Variants in CELSR1 observed in about 807,000 individuals in gnomAD.
CELSR1 encodes cadherin EGF LAG seven-pass G-type receptor 1.
CELSR1 carries 110 observed loss-of-function variants against 249.1 expected under a neutral mutation model. The observed-to-expected ratio is 0.44, with a 90% CI of 0.38 to 0.52. The LOEUF (loss-of-function observed/expected upper bound fraction) is 0.52, where lower values mean the gene tolerates loss of function less well. Ranked by LOEUF, CELSR1 falls within the 20% of genes least tolerant of loss-of-function variation. The pLI is 0.00. For missense variants in CELSR1, 4,109 were observed against 4,296.4 expected, an observed-to-expected ratio of 0.96 and a Z score of 1.22; for synonymous variants, 2,113 against 1,900.0, an observed-to-expected ratio of 1.11 and a Z score of -2.92.
chr22:46,419,551 TG>T (rs1407978291), intron 5 of CELSR1, among the ~76,000 whole-genome samples: 1 of 152,130 alleles, frequency 6.6e-6, no homozygotes, highest in Non-Finnish European at 1.5e-5. Flanking sequence ...GTGCCTGGGA[TG>T]GGGCCTCTGA....
rs141998964 is a variant in CELSR1 at position 46,509,342 on chromosome 22, A to T, written c.3544+24285T>A. Among the ~76,000 whole-genome samples the T allele has an allele frequency of 4.0e-4, 61 of 152,268 alleles. 1 individual carries two copies. Among genetic ancestry groups the T allele is most frequent in the African/African-American group, 1.3e-3 (53 of 41,568 alleles). On this transcript the variant is annotated intron_variant, in intron 1 of 34. Coordinates refer to ENST00000674500, the MANE Select transcript of CELSR1 (RefSeq NM_001378328.1). ...GAGGAGATGGGGTGCAGAGGGGGTG[A>T]TGGGTACCCCAAACCACTGAGCAGG...
rs538819283 is a variant in CELSR1, at chr22:46,527,322, C to T, written c.3544+6305G>A. ...CAGCTTCCCTCCCCTCCACTCTCAC[C>T]GCCCAGCAGCTGGGACATGGGACCC... On this transcript the variant is annotated intron_variant, in intron 1 of 34. Transcript: ENST00000674500. The surrounding 1 kb of genome is among the most constrained non-coding windows in gnomAD (Gnocchi z 5.5). Among the ~76,000 whole-genome samples, 4 of 152,296 alleles carry T rather than the reference C, an allele frequency of 2.6e-5. No individual in the cohort carries two copies. Among genetic ancestry groups the T allele is most frequent in the South Asian group, 4.1e-4 (2 of 4,828 alleles).
At position 46,526,923 on chromosome 22, in the gene CELSR1, T is replaced by A. The variant is rs574423390; in HGVS notation, c.3544+6704A>T. Among the ~76,000 whole-genome samples the A allele has an allele frequency of 2.6e-5, 4 of 152,322 alleles. No individual in the cohort carries two copies. In the South Asian group the frequency reaches 8.3e-4, roughly 32 times the overall value. On this transcript the variant is annotated intron_variant, in intron 1 of 34. Coordinates refer to ENST00000674500, the MANE Select transcript of CELSR1 (RefSeq NM_001378328.1). The surrounding 1 kb of genome is among the most constrained non-coding windows in gnomAD (Gnocchi z 4.7). The stretch of plus-strand genomic sequence containing the variant: ...CCTCACGTCTTCTCACCAAAGCCGA[T>A]TCCCGGTAAGGACTCTGGCTCAGGG...
chr22:46,534,346 T>C lies in CELSR1; in HGVS notation c.2825A>G (p.Tyr942Cys). 2 of 1,613,002 alleles carry C rather than the reference T, an allele frequency of 1.2e-6. No individual in the cohort carries two copies. Among genetic ancestry groups the C allele is most frequent in the Non-Finnish European group, 1.7e-6 (2 of 1,180,034 alleles). The change falls in exon 1 of 35, where the codon TAC (tyrosine) becomes TGC (cysteine). Residue 942 changes from tyrosine to cysteine, a missense_variant. Around this residue, in one of 7 missense-constraint regions of CELSR1, gnomAD observed 886 missense variants for 896.5 expected, o/e 0.99. Transcript: ENST00000674500. The surrounding 1 kb of genome is among the most constrained non-coding windows in gnomAD (Gnocchi z 9.7). ...QGGDDGDGDF[Y>C]IEPTSGVIRT... ...AATCACACCGGACGTGGGCTCGATG[T>C]AGAAGTCCCCATCGCCGTCGTCCCC...
At position 46,536,928 on chromosome 22, in the gene CELSR1, GC is replaced by G; in HGVS notation, c.242del (p.Gly81AlafsTer21). 1 of 1,168,982 alleles carries G rather than the reference GC, an allele frequency of 8.6e-7. No individual in the cohort carries two copies. Among genetic ancestry groups the G allele is most frequent in the Non-Finnish European group, 1.1e-6 (1 of 948,646 alleles). 72.4% of individuals were successfully genotyped at this position (1,168,982 alleles called of 1,614,324 possible). On this transcript the variant is annotated frameshift_variant, in exon 1 of 35. Transcript: ENST00000674500. LOFTEE classifies it high-confidence loss of function. ...CTTGCAGCGGCAGCGGGCGCCCCGC[GC>G]CCGAGACGCGCCGACGTCCTGCCAG... is the stretch of plus-strand genomic sequence containing the variant. ...GRLAGRRRVS[G>X]AGRPLPLQVR... is the part of the protein sequence containing the mutation.
Position 46,433,410 on chromosome 22 carries a change from C to A in CELSR1, c.4594G>T (p.Val1532Leu). The A allele has an allele frequency of 3.7e-6, 6 of 1,613,798 alleles. No individual in the cohort carries two copies. The highest frequency in any genetic ancestry group is 5.1e-6 in the Non-Finnish European group (6 of 1,179,848). Residue 1532 changes from valine (V) to leucine (L), a missense_variant, in exon 5 of 35, where the codon GTG (valine) becomes TTG (leucine). This residue lies in a region of CELSR1 where 453 missense variants were observed against 492.0 expected (regional missense o/e 0.92). Coordinates refer to ENST00000674500, the MANE Select transcript of CELSR1 (RefSeq NM_001378328.1). This position sits in a 1 kb window ranked among gnomAD's most constrained non-coding sequence, Gnocchi z 5.7. ...VSDGRWHSVQ[V>L]QYYNKPNIGH... ...CATCTTACCTTGTTGTAGTACTGCA[C>A]CTGCACAGAGTGCCACCGCCCGTCA...
At position 46,398,766 on chromosome 22, in the gene CELSR1, T is replaced by C; in HGVS notation, c.5413-129A>G. 1.5e-6 allele frequency: 1 copy of C among 668,048 alleles called. No homozygotes were observed. Among genetic ancestry groups the C allele is most frequent in the East Asian group, 3.1e-5 (1 of 32,684 alleles). 41.4% of individuals were successfully genotyped at this position (668,048 alleles called of 1,614,324 possible). A position where few individuals can be genotyped will look rare whatever the true frequency, so the allele number is the denominator to read the frequency against. On this transcript the variant is annotated intron_variant, in intron 10 of 34. Transcript: ENST00000674500. The surrounding 1 kb of genome is among the most constrained non-coding windows in gnomAD (Gnocchi z 7.2). Reference sequence around the variant, plus strand: ...AAACTCCGCAGAGCCTGAGGACATCTGGGCCTCCAAAGAGAGAGCTGGGCC... The same window carrying C: ...AAACTCCGCAGAGCCTGAGGACATCCGGGCCTCCAAAGAGAGAGCTGGGCC...
intron 1 of CELSR1, among the ~76,000 whole-genome samples, chr22:46,523,936 G>A (rs1159452134): frequency 2.0e-5 from 3 of 152,154 alleles, no homozygotes; most frequent in South Asian, 2.1e-4. Flanking sequence ...CCTGCAGCAC[G>A]GCTGCCACTG....
chr22:46,502,919 C>T (rs2080480414), intron 1 of CELSR1, among the ~76,000 whole-genome samples: 1 of 152,208 alleles, frequency 6.6e-6, no homozygotes, highest in South Asian at 2.1e-4. Flanking sequence ...CGGGAGACAG[C>T]AAGCTGCACA....
At position 46,430,662 on chromosome 22, in the gene CELSR1, G is replaced by A. The variant is rs1347285860; in HGVS notation, c.4611+2731C>T. Among the ~76,000 whole-genome samples, 2 of 152,194 alleles carry A rather than the reference G, an allele frequency of 1.3e-5. No homozygotes were observed. Among genetic ancestry groups the A allele is most frequent in the Non-Finnish European group, 2.9e-5 (2 of 68,036 alleles). ...TGGCTGCTGGAGGACAGGACCAGAG[G>A]TGACATTGGAGACAAAGTGGAGGCC... On this transcript the variant is annotated intron_variant, in intron 5 of 34. Coordinates refer to ENST00000674500, the MANE Select transcript of CELSR1 (RefSeq NM_001378328.1). This position sits in a 1 kb window ranked among gnomAD's most constrained non-coding sequence, Gnocchi z 4.6.
chr22:46,461,585 G>A (rs116406980), intron 2 of CELSR1, among the ~76,000 whole-genome samples: 2,847 of 152,330 alleles, frequency 0.019, 35 homozygotes, highest in Non-Finnish European at 0.03. Flanking sequence ...AAAGCCAGAG[G>A]TGGTGGGTGC....
At chr22:46,511,418 G>A (rs899507887) in intron 1 of CELSR1, among the ~76,000 whole-genome samples, 17 of 152,188 alleles carry the variant, frequency 1.1e-4, no homozygotes, top group Admixed American at 2.6e-4. Flanking sequence ...GGACCAACAC[G>A]TGTGTCAAAG....
intron 1 of CELSR1, among the ~76,000 whole-genome samples, chr22:46,521,229 C>T (rs1015350233): frequency 5.3e-5 from 8 of 152,062 alleles, no homozygotes; most frequent in East Asian, 1.9e-4. Context: ...TTCAGCCGGG[C>T]GCGGTGGCTC....
chr22:46,494,328 T>C (rs2080394214), intron 1 of CELSR1, among the ~76,000 whole-genome samples: 1 of 152,192 alleles, frequency 6.6e-6, no homozygotes, highest in Non-Finnish European at 1.5e-5. Context: ...TATTTACAGA[T>C]AAATTTTAGA....
chr22:46,535,817 C>T lies in CELSR1; in HGVS notation c.1354G>A (p.Glu452Lys), dbSNP rs763639221. The T allele has an allele frequency of 1.9e-6, 3 of 1,612,166 alleles. No homozygotes were observed. Among genetic ancestry groups the T allele is most frequent in the Non-Finnish European group, 1.7e-6 (2 of 1,179,986 alleles). The change falls in exon 1 of 35, where the codon GAG (glutamate) becomes AAG (lysine). Residue 452 changes from glutamate (E) to lysine (K), a missense_variant. Physicochemically the swap from Glu to Lys is moderately conservative, Grantham distance 56. Coordinates refer to ENST00000674500, the MANE Select transcript of CELSR1 (RefSeq NM_001378328.1). Reference protein sequence around the residue: ...TATVYIEVEDENDNYPQFSEQ... With the variant: ...TATVYIEVEDKNDNYPQFSEQ... The stretch of plus-strand genomic sequence containing the variant: ...CTGAACTGGGGGTAGTTGTCGTTCT[C>T]GTCCTCCACCTCGATGTACACGGTG...
chr22:46,363,850 C>G lies in CELSR1; in HGVS notation c.9035+146G>C, dbSNP rs188313520. 2.9e-4 allele frequency: 333 copies of G among 1,129,718 alleles called. 1 individual carries two copies. Among genetic ancestry groups the G allele is most frequent in the Non-Finnish European group, 1.1e-4 (92 of 826,680 alleles). 70.0% of individuals were successfully genotyped at this position (1,129,718 alleles called of 1,614,324 possible). On this transcript the variant is annotated intron_variant, in intron 34 of 34. Coordinates refer to ENST00000674500, the MANE Select transcript of CELSR1 (RefSeq NM_001378328.1). The surrounding 1 kb of genome is among the most constrained non-coding windows in gnomAD (Gnocchi z 4.3). ...CTGACCTCAGCTGCAGCGCCTCCCC[C>G]CTCCCCCATCCCCGCCTGGGCTTCC...
chr22:46,394,079 G>C, intron 14 of CELSR1, 63 bp downstream of exon 14: 1 of 1,576,146 alleles, frequency 6.3e-7, no homozygotes, highest in Non-Finnish European at 8.6e-7. Context: ...TGTGTATTTA[G>C]GGGCAGCTGT....
At chr22:46,400,687 C>G (rs2079201989) in intron 9 of CELSR1, among the ~76,000 whole-genome samples, 1 of 152,094 alleles carries the variant, frequency 6.6e-6, no homozygotes, top group African/African-American at 2.4e-5. Context: ...CGTGGTGGCT[C>G]ACACCTGTAA....
rs1396581933 is a variant in CELSR1 at position 46,471,683 on chromosome 22, C to T, written c.3545-7338G>A. ...AGTGCTGGGATTCACGGGTGTGAGCCGCTGCCCCTGGCCTCAGCATTTGTC... is the reference window on the plus strand; with the variant it reads ...AGTGCTGGGATTCACGGGTGTGAGCTGCTGCCCCTGGCCTCAGCATTTGTC... On this transcript the variant is annotated intron_variant, in intron 1 of 34. Coordinates refer to ENST00000674500, the MANE Select transcript of CELSR1 (RefSeq NM_001378328.1). This position sits in a 1 kb window ranked among gnomAD's most constrained non-coding sequence, Gnocchi z 4.9. 1.3e-5 allele frequency among the ~76,000 whole-genome samples: 2 copies of T among 152,146 alleles called. No individual in the cohort carries two copies. The highest frequency in any genetic ancestry group is 2.1e-4 in the South Asian group (1 of 4,830).
Sources: gnomAD v4.1 joint callset for allele counts (sites outside exome capture counted in the v4.1 genomes callset) on GRCh38, gnomAD v4.1.1 for gene constraint, gnomAD v4.1.1 regional missense constraint, Gnocchi (gnomAD v3.1) non-coding constraint, MANE v1.5 for transcripts, NCBI Gene and HGNC (gene_info 2026-07-23, HGNC 2026-07-21) for gene names.